Variants in PARG observed in about 807,000 individuals in gnomAD.
PARG encodes poly(ADP-ribose) glycohydrolase.
In PARG, 35 loss-of-function variants were observed where a neutral mutation model predicts 113.0. The ratio of observed to expected loss-of-function variants is 0.31; its 90% confidence interval spans 0.24 to 0.41. PARG has a LOEUF of 0.41. Among genes scored for constraint, PARG ranks in the 10% least tolerant of loss-of-function variants. PARG has a pLI of 1.00. For missense variants in PARG, 797 were observed against 1,169.4 expected (o/e 0.68, Z 4.64); for synonymous variants, 330 against 409.9 (o/e 0.81, Z 2.36).
chr10:49,834,214 T>C (rs915981615), intron 15 of PARG, among the ~76,000 whole-genome samples: 10 of 152,304 alleles, frequency 6.6e-5, no homozygotes, highest in South Asian at 4.1e-4. Context: ...TCTTGAAAGA[T>C]AGTCTGTGTC....
chr10:49,840,116 T>C (rs782168269), intron 15 of PARG, among the ~76,000 whole-genome samples: 5 of 152,162 alleles, frequency 3.3e-5, no homozygotes, highest in African/African-American at 4.8e-5. Flanking sequence ...AGGCAGGGCA[T>C]TGTGGCTCAT....
intron 10 of PARG, among the ~76,000 whole-genome samples, chr10:49,869,030 C>T (rs1488183894): frequency 6.6e-6 from 1 of 151,318 alleles, no homozygotes; most frequent in Admixed American, 6.6e-5. Context: ...ATATAAAACT[C>T]AGTACAAAAC....
intron 7 of PARG, among the ~76,000 whole-genome samples, chr10:49,915,372 G>A (rs187379559): frequency 4.5e-3 from 683 of 152,094 alleles, no homozygotes; most frequent in East Asian, 0.017. Flanking sequence ...TCTGCTAATG[G>A]TACTATGAAA....
At chr10:49,868,610 G>T (rs557931744) in intron 10 of PARG, among the ~76,000 whole-genome samples, 2 of 152,236 alleles carry the variant, frequency 1.3e-5, no homozygotes, top group Non-Finnish European at 2.9e-5. Flanking sequence ...CATATTTTAA[G>T]ACAATCCTAT....
At position 49,819,491 on chromosome 10, in the gene PARG, TCTC is replaced by T; in HGVS notation, c.2777_2779del (p.Gly926del). ...GTATCGTAGCAACAGCTTATACACA[TCTC>T]CTGGAGAGCAAAAGGTCAGACCAGA... is the stretch of plus-strand genomic sequence containing the variant. On this transcript the variant is annotated inframe_deletion and splice_region_variant, in exon 18 of 18. Coordinates refer to ENST00000616448, the MANE Select transcript of PARG (RefSeq NM_003631.5). The T allele has an allele frequency of 6.4e-7, 1 of 1,550,676 alleles. No homozygotes were observed. The highest frequency in any genetic ancestry group is 8.7e-7 in the Non-Finnish European group (1 of 1,146,152).
chr10:49,819,223 CAA>C lies in PARG; in HGVS notation c.*115_*116del. On this transcript the variant is annotated 3_prime_UTR_variant, in exon 18 of 18. Coordinates refer to ENST00000616448, the MANE Select transcript of PARG (RefSeq NM_003631.5). ...GTGGAAGAGATTGCGTCCTTGACTA[CAA>C]ATGTGGATTATGTACACATTTATAT... 1.2e-6 allele frequency: 1 copy of C among 828,016 alleles called. No individual in the cohort carries two copies. Among genetic ancestry groups the C allele is most frequent in the Admixed American group, 3.0e-5 (1 of 33,794 alleles). 51.3% of individuals were successfully genotyped at this position (828,016 alleles called of 1,614,324 possible).
intron 9 of PARG, among the ~76,000 whole-genome samples, chr10:49,876,735 A>G (rs1182096488): frequency 2.6e-5 from 4 of 151,512 alleles, no homozygotes; most frequent in Admixed American, 6.6e-5. Context: ...GTAAGAACTC[A>G]GAAACTGGCT....
intron 7 of PARG, among the ~76,000 whole-genome samples, chr10:49,913,249 G>A (rs1447641284): frequency 6.6e-6 from 1 of 152,120 alleles, no homozygotes; most frequent in African/African-American, 2.4e-5. Flanking sequence ...AACATCCAAG[G>A]TATTTTGTTA....
intron 6 of PARG, among the ~76,000 whole-genome samples, chr10:49,920,687 A>T (rs1554849099): frequency 4.6e-5 from 7 of 150,758 alleles, no homozygotes; most frequent in Non-Finnish European, 1.0e-4. Flanking sequence ...GTATGTTTGC[A>T]TACACATAAT....
intron 7 of PARG, among the ~76,000 whole-genome samples, chr10:49,914,541 C>T (rs1307252407): frequency 1.3e-5 from 2 of 152,160 alleles, no homozygotes; most frequent in African/African-American, 2.4e-5. Flanking sequence ...ATTCTATTAA[C>T]GTGATGTAAG....
chr10:49,921,353 G>GT (rs1275523749), intron 6 of PARG, among the ~76,000 whole-genome samples: 6 of 151,644 alleles, frequency 4.0e-5, no homozygotes, highest in East Asian at 1.9e-4. Context: ...ATTTTGTTTT[G>GT]TTTTTTTGTA....
Position 49,819,203 on chromosome 10 carries a change from A to C in PARG, c.*137T>G. On this transcript the variant is annotated 3_prime_UTR_variant, in exon 18 of 18. Transcript: ENST00000616448. ...CAACTGACAACTGCACATGTGTGGA[A>C]GAGATTGCGTCCTTGACTACAAATG... The C allele has an allele frequency of 3.0e-6, 2 of 665,330 alleles. No homozygotes were observed. The highest frequency in any genetic ancestry group is 5.1e-6 in the Non-Finnish European group (2 of 392,930). The allele number at this position is 665,330 out of a possible 1,614,324, so 41.2% of individuals were successfully genotyped here.
At chr10:49,831,599 T>C (rs1844667045) in intron 16 of PARG, among the ~76,000 whole-genome samples, 2 of 152,132 alleles carry the variant, frequency 1.3e-5, no homozygotes, top group Admixed American at 6.5e-5. Context: ...TAATCAATCA[T>C]GCCTACAGAA....
rs376896855 is a variant in PARG, at chr10:49,925,259, G to A, written c.1456-2590C>T. ...TCCAGTCCAGGAGAGAAGTAATGAA[G>A]CATCTGGTAAGAGCTCTGAAGCCTG... On this transcript the variant is annotated intron_variant, in intron 4 of 17. Coordinates refer to ENST00000616448, the MANE Select transcript of PARG (RefSeq NM_003631.5). 3.4e-3 allele frequency among the ~76,000 whole-genome samples: 511 copies of A among 152,120 alleles called. 11 individuals are homozygous for A. The East Asian group carries it at 0.045, about 13-fold the overall frequency.
At chr10:49,904,008 A>G (rs559994774) in intron 7 of PARG, among the ~76,000 whole-genome samples, 16 of 152,264 alleles carry the variant, frequency 1.1e-4, no homozygotes, top group African/African-American at 3.6e-4. Context: ...TAGCTGAGTC[A>G]TGACGATGGT....
intron 6 of PARG, among the ~76,000 whole-genome samples, chr10:49,916,905 T>A (rs1564655256): frequency 6.6e-6 from 1 of 152,170 alleles, no homozygotes; most frequent in East Asian, 1.9e-4. Context: ...AGATTATTAC[T>A]ATAAATCTTC....
At position 49,933,645 on chromosome 10, in the gene PARG, G is replaced by A; in HGVS notation, c.803C>T (p.Ser268Phe). ...TTTTGGCCCAGTACCAACATCCTCA[G>A]AGCCAACATCTGACAATGGACTCTC... ...VPESPLSDVG[S>F]EDVGTGPKND... The change falls in exon 3 of 18, where the codon TCT becomes TTT. Residue 268 changes from serine to phenylalanine, a missense_variant. By Grantham distance (155) the Ser-to-Phe change is radical. This residue lies in a region of PARG where 284 missense variants were observed against 306.1 expected (regional missense o/e 0.93). Coordinates refer to ENST00000616448, the MANE Select transcript of PARG (RefSeq NM_003631.5). The A allele has an allele frequency of 6.2e-7, 1 of 1,610,052 alleles. No homozygotes were observed. The highest frequency in any genetic ancestry group is 8.5e-7 in the Non-Finnish European group (1 of 1,176,356).
chr10:49,870,036 T>C (rs1323601566), intron 9 of PARG, among the ~76,000 whole-genome samples: 1 of 152,110 alleles, frequency 6.6e-6, no homozygotes, highest in Admixed American at 6.5e-5. Context: ...TAACAAGATA[T>C]CAGGGCTCAA....
At chr10:49,928,856 A>G (rs1236944120) in intron 4 of PARG, among the ~76,000 whole-genome samples, 1 of 152,236 alleles carries the variant, frequency 6.6e-6, no homozygotes, top group African/African-American at 2.4e-5. Context: ...AATCTTAATA[A>G]TGTAACTAAA....
Sources: gnomAD v4.1 joint callset for allele counts (sites outside exome capture counted in the v4.1 genomes callset) on GRCh38, gnomAD v4.1.1 for gene constraint, gnomAD v4.1.1 regional missense constraint, MANE v1.5 for transcripts, NCBI Gene and HGNC (gene_info 2026-07-23, HGNC 2026-07-21) for gene names.